The following RAB38 variants were observed in gnomAD, a reference collection of about 807,000 sequenced individuals.
RAB38 encodes ras-related protein Rab-38.
A neutral mutation model predicts 18.4 loss-of-function variants in RAB38; 15 were observed. That is an observed-to-expected ratio of 0.82 (90% confidence interval 0.55 to 1.26). RAB38 has a LOEUF of 1.26. RAB38 is among the 50% of genes most tolerant of loss of function. The pLI is 0.00. For synonymous variants in RAB38, 101 were observed against 104.4 expected (o/e 0.97, Z 0.20); for missense variants, 294 against 267.4 (o/e 1.10, Z -0.69).
At chr11:88,141,944 T>A (rs1242539423) in intron 2 of RAB38, among the ~76,000 whole-genome samples, 6 of 152,180 alleles carry the variant, frequency 3.9e-5, no homozygotes, top group Admixed American at 3.9e-4. Flanking sequence ...CCAACCAACA[T>A]GCCTGGTACT....
chr11:88,094,644 C>T, the RAB38 span, among the ~76,000 whole-genome samples: 33 of 151,958 alleles, frequency 2.2e-4, no homozygotes, highest in African/African-American at 7.2e-4. Context: ...CTCTATCAGA[C>T]TTTCTTATTA....
the RAB38 span, among the ~76,000 whole-genome samples, chr11:88,045,968 A>G: frequency 6.6e-6 from 1 of 152,084 alleles, no homozygotes; most frequent in Non-Finnish European, 1.5e-5. Flanking sequence ...TAACTAAATT[A>G]TCTGCTTCCC....
chr11:88,093,663 A>G, the RAB38 span, among the ~76,000 whole-genome samples: 32 of 151,982 alleles, frequency 2.1e-4, 1 homozygote, highest in Non-Finnish European at 4.4e-5. Context: ...GGCTTTCTAA[A>G]ATCTAGATCT....
the RAB38 span, among the ~76,000 whole-genome samples, chr11:88,076,976 G>GAAAAAA: frequency 1.7e-5 from 1 of 58,098 alleles, no homozygotes; most frequent in African/African-American, 7.1e-5. Context: ...AAAAAAAAAA[G>GAAAAAA]AAAGAAAGAA....
At chr11:87,857,434 G>A in the RAB38 span, among the ~76,000 whole-genome samples, 4 of 152,150 alleles carry the variant, frequency 2.6e-5, no homozygotes, top group Non-Finnish European at 5.9e-5. Context: ...CTGAGGAATC[G>A]CCACACTGTC....
At chr11:88,040,066 G>A in the RAB38 span, among the ~76,000 whole-genome samples, 1 of 152,260 alleles carries the variant, frequency 6.6e-6, no homozygotes, top group East Asian at 1.9e-4. Flanking sequence ...AATTCCCAGG[G>A]GTTCTTAGAC....
At chr11:87,938,514 C>T in the RAB38 span, among the ~76,000 whole-genome samples, 13 of 151,592 alleles carry the variant, frequency 8.6e-5, no homozygotes, top group Non-Finnish European at 1.5e-4. Context: ...AACTGCTATG[C>T]GTAGGGGAGA....
the RAB38 span, among the ~76,000 whole-genome samples, chr11:88,103,994 A>C: frequency 3.3e-5 from 5 of 152,096 alleles, no homozygotes; most frequent in African/African-American, 1.2e-4. Context: ...AGTGAGTTTC[A>C]GTGATTTCCC....
chr11:88,038,586 T>A, the RAB38 span, among the ~76,000 whole-genome samples: 1 of 152,346 alleles, frequency 6.6e-6, no homozygotes, highest in South Asian at 2.1e-4. Context: ...CTAAACTTAC[T>A]GGTTTTCTTA....
At chr11:87,815,206 A>G in the RAB38 span, 8 of 152,242 alleles carry the variant, frequency 5.3e-5, no homozygotes, top group African/African-American at 1.7e-4. Context: ...CACTGACTTC[A>G]TGGATAGAAT....
chr11:87,815,633 C>T, the RAB38 span: 7 of 152,110 alleles, frequency 4.6e-5, no homozygotes, highest in Admixed American at 2.0e-4. Flanking sequence ...AATCATGTAA[C>T]GGTGACTTTA....
At chr11:88,034,447 G>A in the RAB38 span, among the ~76,000 whole-genome samples, 2 of 152,202 alleles carry the variant, frequency 1.3e-5, no homozygotes, top group African/African-American at 4.8e-5. Flanking sequence ...AAGAGTGGCT[G>A]TAACAGTTTA....
the RAB38 span, among the ~76,000 whole-genome samples, chr11:87,880,662 C>T: frequency 6.6e-6 from 1 of 151,836 alleles, no homozygotes; most frequent in East Asian, 2.0e-4. Context: ...TAGGGTCCCA[C>T]AACATTGCTT....
At chr11:87,926,614 A>G in the RAB38 span, among the ~76,000 whole-genome samples, 2 of 152,032 alleles carry the variant, frequency 1.3e-5, no homozygotes, top group Admixed American at 6.6e-5. Context: ...GAGAGTTGCT[A>G]TGTCATTGTA....
chr11:88,086,780 T>C, the RAB38 span, among the ~76,000 whole-genome samples: 1 of 151,968 alleles, frequency 6.6e-6, no homozygotes, highest in Non-Finnish European at 1.5e-5. Flanking sequence ...GGAGTGTCTC[T>C]GGTGTTAAGT....
At chr11:88,045,573 T>C in the RAB38 span, among the ~76,000 whole-genome samples, 11 of 152,256 alleles carry the variant, frequency 7.2e-5, no homozygotes. Context: ...ACTGTTCAAC[T>C]CACCTGGCAG....
At chr11:87,853,191 A>G in the RAB38 span, among the ~76,000 whole-genome samples, 1 of 152,216 alleles carries the variant, frequency 6.6e-6, no homozygotes, top group African/African-American at 2.4e-5. Flanking sequence ...TCAAGGCAGA[A>G]AGAACATGGG....
chr11:87,861,670 C>A, the RAB38 span, among the ~76,000 whole-genome samples: 21 of 151,856 alleles, frequency 1.4e-4, no homozygotes, highest in Middle Eastern at 3.4e-3. Flanking sequence ...ACCCAGGACA[C>A]CCTCATAGCG....
chr11:87,845,315 A>T, the RAB38 span, among the ~76,000 whole-genome samples: 1 of 152,288 alleles, frequency 6.6e-6, no homozygotes, highest in East Asian at 1.9e-4. Context: ...TCCTTTATAA[A>T]TTGTAAAAAA....
Sources: allele counts gnomAD v4.1 joint callset (sites outside exome capture counted in the v4.1 genomes callset), GRCh38; gene constraint gnomAD v4.1.1; transcripts MANE v1.5; gene names NCBI Gene and HGNC (gene_info 2026-07-23, HGNC 2026-07-21).